The following KIF16B variants were observed in gnomAD, a reference collection of about 807,000 sequenced individuals.
The protein encoded by KIF16B is kinesin-like protein KIF16B.
A neutral mutation model predicts 156.3 loss-of-function variants in KIF16B; 98 were observed. That is an observed-to-expected ratio of 0.63 (90% CI 0.53 to 0.74). The LOEUF (loss-of-function observed/expected upper bound fraction) is 0.74, where lower values mean the gene tolerates loss of function less well. Ranked by LOEUF, KIF16B falls within the 30% of genes least tolerant of loss-of-function variation. KIF16B has a pLI of 0.00. For synonymous variants in KIF16B, 564 were observed against 583.7 expected, an observed-to-expected ratio of 0.97 and a Z score of 0.49; for missense variants, 1,421 against 1,606.5, an observed-to-expected ratio of 0.88 and a Z score of 1.97.
intron 15 of KIF16B, among the ~76,000 whole-genome samples, chr20:16,424,466 A>G (rs182721415): frequency 3.3e-5 from 5 of 152,228 alleles, no homozygotes; most frequent in African/African-American, 1.2e-4. Flanking sequence ...AATAAACTAC[A>G]TGCTTTCCAG....
At chr20:16,554,499 C>T (rs975652049) in intron 1 of KIF16B, among the ~76,000 whole-genome samples, 7 of 152,186 alleles carry the variant, frequency 4.6e-5, no homozygotes, top group Admixed American at 1.3e-4. Context: ...AGCTGTCTGT[C>T]GCTCAATAAA....
At chr20:16,304,684 A>G (rs962102089) in intron 25 of KIF16B, among the ~76,000 whole-genome samples, 7 of 152,238 alleles carry the variant, frequency 4.6e-5, no homozygotes, top group African/African-American at 1.7e-4. Flanking sequence ...ATCAGCAGAG[A>G]ATAGATGAAA....
intron 17 of KIF16B, among the ~76,000 whole-genome samples, chr20:16,401,947 T>G (rs1165749229): frequency 6.6e-6 from 1 of 152,190 alleles, no homozygotes; most frequent in South Asian, 2.1e-4. Flanking sequence ...CTCTCTTGCT[T>G]AAATCATTCT....
intron 25 of KIF16B, among the ~76,000 whole-genome samples, chr20:16,293,812 T>C (rs1403947584): frequency 6.6e-6 from 1 of 151,928 alleles, no homozygotes; most frequent in African/African-American, 2.4e-5. Flanking sequence ...GAATTAGAGA[T>C]GAGTACTGTA....
intron 12 of KIF16B, among the ~76,000 whole-genome samples, chr20:16,452,630 T>A (rs2146613478): frequency 6.6e-6 from 1 of 151,884 alleles, no homozygotes; most frequent in African/African-American, 2.4e-5. Context: ...GGTCAGGAGA[T>A]CGAGACCATC....
rs371454360 is a variant in KIF16B at position 16,373,017 on chromosome 20, A to C, written c.3350+1240T>G. On this transcript the variant is annotated intron_variant, in intron 20 of 25. Coordinates refer to ENST00000354981, the MANE Select transcript of KIF16B (RefSeq NM_024704.5). ...CCGGCCGGATGGATTATTTTAAATT[A>C]AATGGTTTCCATGTTTATATCTTAT... Among the ~76,000 whole-genome samples, 40 of 152,314 alleles carry C rather than the reference A, an allele frequency of 2.6e-4. No individual in the cohort carries two copies. In the South Asian group the frequency reaches 4.4e-3, roughly 17 times the overall value.
At chr20:16,364,852 G>A (rs1471823170) in intron 22 of KIF16B, among the ~76,000 whole-genome samples, 1 of 152,162 alleles carries the variant, frequency 6.6e-6, no homozygotes, top group East Asian at 1.9e-4. Context: ...GTTATAATGA[G>A]TGATATGATT....
intron 11 of KIF16B, 147 bp downstream of exon 11, chr20:16,497,466 C>A (rs2068484713): frequency 3.0e-6 from 2 of 656,326 alleles, no homozygotes; most frequent in Admixed American, 2.8e-5. Context: ...AGCTATCGTG[C>A]TTCTTCAAAA....
intron 12 of KIF16B, among the ~76,000 whole-genome samples, chr20:16,486,833 G>T (rs2068129922): frequency 6.6e-6 from 1 of 152,124 alleles, no homozygotes. Context: ...AAGGAAGCTG[G>T]TAACCCATGG....
intron 1 of KIF16B, among the ~76,000 whole-genome samples, chr20:16,536,192 G>T (rs1242883266): frequency 6.6e-6 from 1 of 152,130 alleles, no homozygotes; most frequent in Non-Finnish European, 1.5e-5. Flanking sequence ...TTGCAGCAAC[G>T]TGGACAGAAC....
At chr20:16,302,318 T>C (rs1275407502) in intron 25 of KIF16B, among the ~76,000 whole-genome samples, 1 of 152,210 alleles carries the variant, frequency 6.6e-6, no homozygotes, top group East Asian at 1.9e-4. Flanking sequence ...TGTGTCTAGA[T>C]TGGTTTTTTT....
intron 10 of KIF16B, among the ~76,000 whole-genome samples, chr20:16,503,389 C>A (rs1469651060): frequency 6.6e-6 from 1 of 152,170 alleles, no homozygotes; most frequent in Non-Finnish European, 1.5e-5. Flanking sequence ...TCCTATTCAA[C>A]TGCTGTCCAC....
chr20:16,289,363 A>G (rs530150015), intron 25 of KIF16B, among the ~76,000 whole-genome samples: 2 of 152,284 alleles, frequency 1.3e-5, no homozygotes, highest in East Asian at 3.9e-4. Context: ...ATATGCAAAT[A>G]TGTTAATTTT....
chr20:16,438,140 C>T (rs2066698881), intron 12 of KIF16B, among the ~76,000 whole-genome samples: 1 of 151,842 alleles, frequency 6.6e-6, no homozygotes, highest in Non-Finnish European at 1.5e-5. Context: ...AAGCAAGACT[C>T]CGTCTCAAAA....
At chr20:16,304,994 C>T (rs1439288405) in intron 25 of KIF16B, among the ~76,000 whole-genome samples, 5 of 152,102 alleles carry the variant, frequency 3.3e-5, no homozygotes, top group Non-Finnish European at 7.4e-5. Context: ...TATATCAATA[C>T]TGACAGCCAT....
At chr20:16,281,096 T>C (rs552957239) in intron 25 of KIF16B, among the ~76,000 whole-genome samples, 13 of 152,360 alleles carry the variant, frequency 8.5e-5, no homozygotes, top group African/African-American at 1.4e-4. Flanking sequence ...TCTAATGATT[T>C]TTCCGGCCAT....
intron 12 of KIF16B, among the ~76,000 whole-genome samples, chr20:16,467,099 C>G (rs1483851093): frequency 6.6e-6 from 1 of 152,218 alleles, no homozygotes; most frequent in Non-Finnish European, 1.5e-5. Context: ...AGAGCCTAAC[C>G]TGCTTGGATT....
Position 16,356,277 on chromosome 20 carries a change from G to C in KIF16B, c.3621+53C>G. 4 of 1,606,880 alleles carry C rather than the reference G, an allele frequency of 2.5e-6. No individual in the cohort carries two copies. In the Admixed American group the frequency reaches 6.7e-5, roughly 27 times the overall value. On this transcript the variant is annotated intron_variant, in intron 23 of 25. Transcript: ENST00000354981. ...TTTTGAAAAAATAAAGACAGATAAA[G>C]CACTGCATAGTCTCCAACCTCCATT...
At chr20:16,509,991 G>C (rs1414656707) in intron 6 of KIF16B, among the ~76,000 whole-genome samples, 1 of 152,020 alleles carries the variant, frequency 6.6e-6, no homozygotes, top group African/African-American at 2.4e-5. Context: ...CTTCAATCTA[G>C]TTACCATTTA....
Sources: gnomAD v4.1 joint callset for allele counts (sites outside exome capture counted in the v4.1 genomes callset) on GRCh38, gnomAD v4.1.1 for gene constraint, MANE v1.5 for transcripts, NCBI Gene and HGNC (gene_info 2026-07-23, HGNC 2026-07-21) for gene names.